The following BORCS7 variants were observed in gnomAD, a reference collection of about 807,000 sequenced individuals.
BORCS7 encodes the protein BLOC-1 related complex subunit 7, also known as BLOC-1-related complex subunit 7.
Under a neutral mutation model 17.5 loss-of-function variants are expected in BORCS7, and 20 were observed. That is an observed-to-expected ratio of 1.14 (90% CI 0.80 to 1.66). The LOEUF (loss-of-function observed/expected upper bound fraction) is 1.66, where lower values mean the gene tolerates loss of function less well. Ranked by LOEUF, BORCS7 falls within the 40% of genes most tolerant of loss-of-function variation. The probability of loss-of-function intolerance (pLI) is 0.00; values close to 1 mark genes in which losing one functional copy is unlikely to be tolerated. For missense variants in BORCS7, 122 were observed against 129.7 expected, an observed-to-expected ratio of 0.94 and a Z score of 0.29; for synonymous variants, 57 against 49.8, an observed-to-expected ratio of 1.14 and a Z score of -0.61.
Position 102,860,487 on chromosome 10 carries a change from T to G in BORCS7, c.205-11T>G. On this transcript the variant is annotated splice_polypyrimidine_tract_variant and intron_variant, in intron 2 of 4. Transcript: ENST00000339834. ...GGAAATGTTCTATTTCTCTCTCTCT[T>G]TTTTATGCAGAGTTTAAGGAAGATG... 6.2e-7 allele frequency: 1 copy of G among 1,612,840 alleles called. No individual in the cohort carries two copies.
intron 1 of BORCS7, 147 bp from the exon 2 acceptor site, chr10:102,860,185 A>G (rs1844492743): frequency 1.5e-6 from 1 of 685,482 alleles, no homozygotes; most frequent in Non-Finnish European, 2.5e-6. Context: ...CAAATAGAAA[A>G]TTATCCTTCA....
At chr10:102,854,533 G>A in intron 1 of BORCS7, 106 bp downstream of exon 1, 1 of 1,356,576 alleles carries the variant, frequency 7.4e-7, no homozygotes, top group Non-Finnish European at 9.9e-7. Flanking sequence ...AGGCTGTGAA[G>A]TACTTGCTAT....
Position 102,864,821 on chromosome 10 carries a change from TC to T in BORCS7, c.*1898del, listed in dbSNP as rs1381213051. ...TGATCAAAAACATGGAAAAAATACT[TC>T]ACTAAATAACGTCTAAGTTGTAGAG... On this transcript the variant is annotated 3_prime_UTR_variant, in exon 5 of 5. Coordinates refer to ENST00000339834, the MANE Select transcript of BORCS7 (RefSeq NM_001136200.2). 3 of 152,108 alleles carry T rather than the reference TC, an allele frequency of 2.0e-5. No individual in the cohort carries two copies. Among genetic ancestry groups the T allele is most frequent in the African/African-American group, 7.2e-5 (3 of 41,440 alleles). The allele number at this position is 152,108 out of a possible 1,614,324, so 9.4% of individuals were successfully genotyped here.
At chr10:102,860,641 T>C in intron 3 of BORCS7, 100 bp downstream of exon 3, 3 of 1,336,392 alleles carry the variant, frequency 2.2e-6, no homozygotes, top group South Asian at 1.2e-5. Context: ...GAGGCCAGAG[T>C]GGGAGTAAAG....
rs368899901 is a variant in BORCS7 at position 102,854,277 on chromosome 10, G to A, written c.-10G>A. On this transcript the variant is annotated 5_prime_UTR_variant, in exon 1 of 5. Coordinates refer to ENST00000339834, the MANE Select transcript of BORCS7 (RefSeq NM_001136200.2). ...CACCATCGTCAGTGCGCAACCGTTC[G>A]CTAACTGAAATGATGGCGACTGGAA... 83 of 1,604,886 alleles carry A rather than the reference G, an allele frequency of 5.2e-5. No individual in the cohort carries two copies. The highest frequency in any genetic ancestry group is 3.2e-4 in the Admixed American group (19 of 58,698).
chr10:102,859,651 C>T (rs150411576), intron 1 of BORCS7, among the ~76,000 whole-genome samples: 120 of 149,708 alleles, frequency 8.0e-4, no homozygotes, highest in Middle Eastern at 3.5e-3. Flanking sequence ...CTGCAACTTT[C>T]GCCTCCTGGG....
rs1204462227 is a variant in BORCS7, at chr10:102,858,174, A to AT, written c.142-2158_142-2157insT. On this transcript the variant is annotated intron_variant, in intron 1 of 4. Transcript: ENST00000339834. ...AGTGAGACCATGTCTCAAAAAAAAA[A>AT]AAATATATATATATATAGAGAGAGA... Among the ~76,000 whole-genome samples the AT allele has an allele frequency of 1.4e-3, 173 of 120,170 alleles. 3 individuals carry two copies. Among genetic ancestry groups the AT allele is most frequent in the Middle Eastern group, 4.2e-3 (1 of 238 alleles). The allele number at this position is 120,170 out of a possible 152,430, so 78.8% of individuals were successfully genotyped here. A position where few individuals can be genotyped will look rare whatever the true frequency, so the allele number is the denominator to read the frequency against.
intron 1 of BORCS7, among the ~76,000 whole-genome samples, chr10:102,854,886 G>T (rs568238571): frequency 2.0e-5 from 3 of 146,630 alleles, no homozygotes; most frequent in African/African-American, 7.5e-5. Context: ...TATATATTAC[G>T]TATTATATAA....
intron 1 of BORCS7, 67 bp downstream of exon 1, chr10:102,854,494 A>T: frequency 6.7e-7 from 1 of 1,488,324 alleles, no homozygotes; most frequent in Non-Finnish European, 9.0e-7. Context: ...TGCTGTGGGA[A>T]GGAGGTCGCG....
intron 3 of BORCS7, chr10:102,860,891 C>T (rs997517400): frequency 5.1e-5 from 18 of 352,740 alleles, no homozygotes; most frequent in Admixed American, 8.7e-5. Flanking sequence ...ACTGACTGTG[C>T]CCAAGGTCTC....
intron 2 of BORCS7, 32 bp downstream of exon 2, chr10:102,860,426 G>T (rs1844498264): frequency 2.5e-6 from 4 of 1,611,546 alleles, no homozygotes; most frequent in Non-Finnish European, 3.4e-6. Context: ...TAATGATTTG[G>T]GTTTATGTAT....
intron 1 of BORCS7, among the ~76,000 whole-genome samples, chr10:102,855,241 T>TTCC (rs1490101197): frequency 4.0e-5 from 6 of 149,350 alleles, no homozygotes; most frequent in African/African-American, 9.9e-5. Flanking sequence ...TCACTGCAAC[T>TTCC]TCCGCCTCCT....
rs1470870642 is a variant in BORCS7, at chr10:102,860,366, A to G, written c.176A>G (p.Gln59Arg). Residue 59 changes from glutamine to arginine, a missense_variant, in exon 2 of 5, where the codon CAG (glutamine) becomes CGG (arginine). By Grantham distance (43) the Gln-to-Arg change is conservative. Coordinates refer to ENST00000339834, the MANE Select transcript of BORCS7 (RefSeq NM_001136200.2). ...LGQAARNMVL[Q>R]EDAILHSEDS... ...CAGGCAGCTCGAAACATGGTACTCC[A>G]GGAAGATGCCATCTTGCACTCAGAA... 11 of 1,614,008 alleles carry G rather than the reference A, an allele frequency of 6.8e-6. No homozygotes were observed. The highest frequency in any genetic ancestry group is 8.5e-6 in the Non-Finnish European group (10 of 1,180,016).
At chr10:102,854,466 G>C in intron 1 of BORCS7, 39 bp downstream of exon 1, 1 of 1,508,658 alleles carries the variant, frequency 6.6e-7, no homozygotes, top group Non-Finnish European at 8.9e-7. Context: ...GATAGTCCGG[G>C]GAGTCGCAGT....
At position 102,864,467 on chromosome 10, in the gene BORCS7, G is replaced by A. The variant is rs923722368; in HGVS notation, c.*1543G>A. 2.0e-5 allele frequency: 3 copies of A among 152,038 alleles called. No individual in the cohort carries two copies. Among genetic ancestry groups the A allele is most frequent in the Non-Finnish European group, 4.4e-5 (3 of 67,990 alleles). 9.4% of individuals were successfully genotyped at this position (152,038 alleles called of 1,614,324 possible). ...AAGCTAAGTGCAGTCATTACAAGAA[G>A]CAAAGAAATACTTAAGTTAGAAAAA... On this transcript the variant is annotated 3_prime_UTR_variant, in exon 5 of 5. Transcript: ENST00000339834.
At position 102,854,319 on chromosome 10, in the gene BORCS7, G is replaced by GTT. The variant is rs1564785165; in HGVS notation, c.33_34insTT (p.Arg12PhefsTer7). 6.2e-7 allele frequency: 1 copy of GTT among 1,603,346 alleles called. No individual in the cohort carries two copies. The highest frequency in any genetic ancestry group is 1.7e-5 in the Admixed American group (1 of 58,376). On this transcript the variant is annotated frameshift_variant, in exon 1 of 5. Coordinates refer to ENST00000339834, the MANE Select transcript of BORCS7 (RefSeq NM_001136200.2). LOFTEE classifies it high-confidence loss of function. ...CGACTGGAACGCCAGAGTCTCAAGC[G>GTT]CGGTTCGGTCAGTCCGTGAAGGGGC...
intron 1 of BORCS7, among the ~76,000 whole-genome samples, chr10:102,859,667 G>T (rs959477232): frequency 1.3e-5 from 2 of 151,022 alleles, no homozygotes; most frequent in Non-Finnish European, 2.9e-5. Flanking sequence ...CTGGGTTCAA[G>T]CAATTCTCCC....
chr10:102,862,097 T>C, intron 3 of BORCS7, 63 bp from the exon 4 acceptor site: 1 of 1,474,702 alleles, frequency 6.8e-7, no homozygotes, highest in South Asian at 1.2e-5. Context: ...ATGTATTATC[T>C]GGTCATAAAT....
chr10:102,854,591 G>A, intron 1 of BORCS7, 164 bp downstream of exon 1: 1 of 835,274 alleles, frequency 1.2e-6, no homozygotes, highest in South Asian at 2.0e-5. Context: ...GGGGTGTGCA[G>A]TCTCTTTGGT....
Sources: gnomAD v4.1 joint callset for allele counts (sites outside exome capture counted in the v4.1 genomes callset) on GRCh38, gnomAD v4.1.1 for gene constraint, MANE v1.5 for transcripts, NCBI Gene and HGNC (gene_info 2026-07-23, HGNC 2026-07-21) for gene names.